Variants in AIF1L observed in about 807,000 individuals in gnomAD.
AIF1L encodes allograft inflammatory factor 1-like.
AIF1L carries 12 observed loss-of-function variants against 20.7 expected under a neutral mutation model. The ratio of observed to expected loss-of-function variants is 0.58; its 90% confidence interval spans 0.37 to 0.94. The LOEUF (loss-of-function observed/expected upper bound fraction) is 0.94, where lower values mean the gene tolerates loss of function less well. Among genes scored for constraint, AIF1L ranks in the 40% least tolerant of loss-of-function variants. The pLI is 0.01. For synonymous variants in AIF1L, 76 were observed against 65.1 expected (o/e 1.17, Z -0.81); for missense variants, 173 against 185.3 (o/e 0.93, Z 0.39).
At chr9:131,106,352 CG>C in intron 2 of AIF1L, 1 of 1,001,320 alleles carries the variant, frequency 1.0e-6, no homozygotes. Flanking sequence ...ACATTCTAGC[CG>C]GGGAGGCAGA....
At chr9:131,106,663 G>A (rs1830756781) in intron 2 of AIF1L, among the ~76,000 whole-genome samples, 1 of 152,062 alleles carries the variant, frequency 6.6e-6, no homozygotes, top group Non-Finnish European at 1.5e-5. Flanking sequence ...TACACCCGTA[G>A]TTCTAGCTGC....
At chr9:131,111,717 C>T in intron 3 of AIF1L, 54 bp downstream of exon 3, 2 of 1,551,554 alleles carry the variant, frequency 1.3e-6, no homozygotes, top group South Asian at 1.1e-5. Flanking sequence ...GGGCTGGCCC[C>T]TCATCCTTGC....
rs1831043919 is a variant in AIF1L at position 131,117,652 on chromosome 9, C to CGCCA, written c.203-103_203-100dup. The CGCCA allele has an allele frequency of 1.6e-6, 2 of 1,281,690 alleles. 1 individual carries two copies. Among genetic ancestry groups the CGCCA allele is most frequent in the Admixed American group, 4.9e-5 (2 of 41,154 alleles). 79.4% of individuals were successfully genotyped at this position (1,281,690 alleles called of 1,614,324 possible). ...CTCCTCCCTAGAGAAGGAGTGCAGA[C>CGCCA]GCCAAGTTTCTAGGCGTGGGGTGCC... On this transcript the variant is annotated intron_variant, in intron 4 of 5. Coordinates refer to ENST00000247291, the MANE Select transcript of AIF1L (RefSeq NM_031426.4).
chr9:131,103,732 G>A (rs1830685909), intron 2 of AIF1L, among the ~76,000 whole-genome samples: 1 of 152,156 alleles, frequency 6.6e-6, no homozygotes, highest in South Asian at 2.1e-4. Context: ...TGATAGATAA[G>A]CCCACTTTAT....
chr9:131,116,002 T>C (rs1234651552), intron 4 of AIF1L, among the ~76,000 whole-genome samples: 3 of 148,728 alleles, frequency 2.0e-5, no homozygotes, highest in Admixed American at 6.7e-5. Flanking sequence ...ATTTGGCTTA[T>C]CAAATAAACA....
At chr9:131,111,778 A>G in intron 3 of AIF1L, 115 bp downstream of exon 3, 4 of 1,066,192 alleles carry the variant, frequency 3.8e-6, no homozygotes, top group Non-Finnish European at 2.8e-6. Context: ...TGTTTTGTCC[A>G]GAATGCCCTT....
chr9:131,120,194 T>C (rs1831104090), intron 5 of AIF1L, 41 bp from the exon 6 acceptor site: 2 of 1,587,150 alleles, frequency 1.3e-6, no homozygotes, highest in Non-Finnish European at 1.7e-6. Flanking sequence ...ATCCTAATCT[T>C]GTTTTTCTTT....
chr9:131,110,505 C>CT lies in AIF1L; in HGVS notation c.94-1076dup, dbSNP rs199767868. On this transcript the variant is annotated intron_variant, in intron 2 of 5. Transcript: ENST00000247291. ...TCTCACTGGATTTCTTTTTTCTTTT[C>CT]TTTTTTTTTTTTTTTTAAGATGGAG... Among the ~76,000 whole-genome samples the CT allele has an allele frequency of 6.5e-3, 903 of 138,428 alleles. 2 individuals carry two copies. Among genetic ancestry groups the CT allele is most frequent in the East Asian group, 0.021 (98 of 4,692 alleles). 90.8% of individuals were successfully genotyped at this position (138,428 alleles called of 152,430 possible).
At chr9:131,106,767 CCG>C (rs1830759517) in intron 2 of AIF1L, among the ~76,000 whole-genome samples, 2 of 89,832 alleles carry the variant, frequency 2.2e-5, no homozygotes, top group South Asian at 3.0e-4. Context: ...ATAGGGTCGG[CCG>C]CATTGAGAAG....
intron 2 of AIF1L, among the ~76,000 whole-genome samples, chr9:131,102,019 C>A (rs1213880799): frequency 6.6e-6 from 1 of 152,148 alleles, no homozygotes; most frequent in Non-Finnish European, 1.5e-5. Context: ...CAAGTTCAAG[C>A]GATTCCCCTG....
intron 2 of AIF1L, chr9:131,108,135 G>A (rs1830791495): frequency 6.6e-6 from 1 of 152,138 alleles, no homozygotes; most frequent in Non-Finnish European, 1.5e-5. Flanking sequence ...AGGTGCAGGA[G>A]GACACAGGTC....
At chr9:131,116,970 T>G (rs1341006169) in intron 4 of AIF1L, among the ~76,000 whole-genome samples, 2 of 152,264 alleles carry the variant, frequency 1.3e-5, no homozygotes, top group South Asian at 4.1e-4. Context: ...CCACGGCCCA[T>G]GGCCCCTACC....
intron 2 of AIF1L, 196 bp from the exon 3 acceptor site, chr9:131,111,401 C>A: frequency 1.7e-6 from 1 of 598,240 alleles, no homozygotes; most frequent in South Asian, 2.1e-5. Context: ...AGCTGCTGGG[C>A]AAACTTCCTA....
Position 131,121,893 on chromosome 9 carries a change from C to T in AIF1L, c.*1571C>T, listed in dbSNP as rs1831145954. The T allele has an allele frequency of 6.6e-6, 1 of 152,252 alleles. No individual in the cohort carries two copies. Among genetic ancestry groups the T allele is most frequent in the South Asian group, 2.1e-4 (1 of 4,832 alleles). The allele number at this position is 152,252 out of a possible 1,614,324, so 9.4% of individuals were successfully genotyped here. On this transcript the variant is annotated 3_prime_UTR_variant, in exon 6 of 6. Coordinates refer to ENST00000247291, the MANE Select transcript of AIF1L (RefSeq NM_031426.4). ...ATCAGGGTGTTCAGCCTTAACCCCA[C>T]CTGTGTTCTGAAGTCTCTTACCCTA... is the stretch of plus-strand genomic sequence containing the variant.
intron 2 of AIF1L, among the ~76,000 whole-genome samples, chr9:131,107,465 C>T (rs1227630781): frequency 6.6e-6 from 1 of 152,206 alleles, no homozygotes; most frequent in African/African-American, 2.4e-5. Context: ...ACAGCCCCTC[C>T]AAATCTCTCC....
At chr9:131,099,188 C>T (rs974616278) in intron 2 of AIF1L, among the ~76,000 whole-genome samples, 1 of 152,154 alleles carries the variant, frequency 6.6e-6, no homozygotes, top group Non-Finnish European at 1.5e-5. Flanking sequence ...TTTCTTTGTT[C>T]GTGGCCTCAA....
In AIF1L at chr9:131,117,745, TC is replaced by T. The variant is rs112041142; in HGVS notation, c.203-6del. 8.7e-6 allele frequency: 14 copies of T among 1,600,864 alleles called. No individual in the cohort carries two copies. The highest frequency in any genetic ancestry group is 1.2e-5 in the Non-Finnish European group (14 of 1,174,260). On this transcript the variant is annotated splice_polypyrimidine_tract_variant and intron_variant, in intron 4 of 5. Coordinates refer to ENST00000247291, the MANE Select transcript of AIF1L (RefSeq NM_031426.4). Reference sequence around the variant, plus strand: ...CATCTCCACTTAACAGATCTGCTTTTCCCCCGGCAGACCTGATGTCTTTAAA... The same window carrying T: ...CATCTCCACTTAACAGATCTGCTTTTCCCCGGCAGACCTGATGTCTTTAAA...
intron 2 of AIF1L, among the ~76,000 whole-genome samples, chr9:131,110,483 C>T (rs72768552): frequency 0.016 from 2,435 of 151,266 alleles, 35 homozygotes; most frequent in Middle Eastern, 0.055. Flanking sequence ...TTCACACTCT[C>T]ACTGGATTTC....
intron 2 of AIF1L, chr9:131,106,079 C>T (rs1272082102): frequency 1.5e-6 from 2 of 1,295,858 alleles, no homozygotes; most frequent in East Asian, 5.1e-5. Context: ...TCGGGCTCCT[C>T]AACAGATGTT....
Sources: gnomAD v4.1 joint callset for allele counts (sites outside exome capture counted in the v4.1 genomes callset) on GRCh38, gnomAD v4.1.1 for gene constraint, MANE v1.5 for transcripts, NCBI Gene and HGNC (gene_info 2026-07-23, HGNC 2026-07-21) for gene names.